ARHGEF15: variants seen among roughly 807,000 people sequenced by gnomAD.
ARHGEF15 encodes the protein Rho guanine nucleotide exchange factor (GEF) 15.
In ARHGEF15, 58 loss-of-function variants were observed where a neutral mutation model predicts 79.7. The observed-to-expected ratio is 0.73, with a 90% CI of 0.59 to 0.91. ARHGEF15 has a LOEUF of 0.91. ARHGEF15 is among the 40% of genes least tolerant of loss of function. The pLI, the probability that ARHGEF15 is intolerant of heterozygous loss-of-function variation, is 0.00. For missense variants in ARHGEF15, 1,012 were observed against 1,108.1 expected, an observed-to-expected ratio of 0.91 and a Z score of 1.23; for synonymous variants, 442 against 456.0, an observed-to-expected ratio of 0.97 and a Z score of 0.39.
intron 4 of ARHGEF15, 175 bp from the exon 5 acceptor site, chr17:8,314,731 C>T (rs990105643): frequency 4.5e-6 from 3 of 661,758 alleles, no homozygotes; most frequent in African/African-American, 2.3e-5. Context: ...CGAGACCTTG[C>T]CTTTCCCCTT....
Position 8,315,794 on chromosome 17 carries a change from C to A in ARHGEF15, c.1461C>A (p.Pro487=). The change falls in exon 8 of 16, where the codon CCC becomes CCA. Residue 487 remains proline (P), a synonymous_variant. Coordinates refer to ENST00000361926, the MANE Select transcript of ARHGEF15 (RefSeq NM_173728.4). This position sits in a 1 kb window ranked among gnomAD's most constrained non-coding sequence, Gnocchi z 4.3. The part of the protein sequence containing the change: ...ATLLSRVRSS[P]HISDLCDVVH... Reference sequence around the variant, plus strand: ...TCCTGTCCCGTGTGCGCTCTTCCCCCCACATCAGCGACTTGTGTGATGTGG... The same window carrying A: ...TCCTGTCCCGTGTGCGCTCTTCCCCACACATCAGCGACTTGTGTGATGTGG... 6.2e-7 allele frequency: 1 copy of A among 1,613,424 alleles called. No homozygotes were observed.
chr17:8,314,843 A>T (rs938611340), intron 4 of ARHGEF15, 63 bp from the exon 5 acceptor site: 1 of 1,600,030 alleles, frequency 6.2e-7, no homozygotes, highest in Non-Finnish European at 8.5e-7. Flanking sequence ...CATGAGAACA[A>T]GCACCCCTAC....
At chr17:8,314,501 G>A (rs901603520) in intron 4 of ARHGEF15, among the ~76,000 whole-genome samples, 1 of 152,020 alleles carries the variant, frequency 6.6e-6, no homozygotes, top group African/African-American at 2.4e-5. Flanking sequence ...TGGTTGCTAC[G>A]TGAGACGGCT....
At position 8,320,905 on chromosome 17, in the gene ARHGEF15, A is replaced by C. The variant is rs888001312; in HGVS notation, c.2438A>C (p.His813Pro). The C allele has an allele frequency of 2.5e-6, 4 of 1,613,826 alleles. No individual in the cohort carries two copies. Among genetic ancestry groups the C allele is most frequent in the Admixed American group, 1.7e-5 (1 of 59,998 alleles). Residue 813 changes from histidine to proline, a missense_variant, in exon 16 of 16, where the codon CAC becomes CCC. Coordinates refer to ENST00000361926, the MANE Select transcript of ARHGEF15 (RefSeq NM_173728.4). ...CTGGTGTGTGAAGTCACAGGGGAAC[A>C]CGAAAGGAGGAGGCACCTTCGCCAG... ...AQLVCEVTGEHERRRHLRQNQ... is the reference protein window; with the variant it reads ...AQLVCEVTGEPERRRHLRQNQ...
At chr17:8,314,031 CA>C (rs60347148) in intron 4 of ARHGEF15, 220 of 141,952 alleles carry the variant, frequency 1.5e-3, no homozygotes, top group Admixed American at 1.7e-3. Flanking sequence ...AACTCCATCT[CA>C]AAAAAAAAAA....
chr17:8,313,297 A>G, intron 3 of ARHGEF15, 43 bp downstream of exon 3: 2 of 1,580,624 alleles, frequency 1.3e-6, no homozygotes, highest in Non-Finnish European at 1.7e-6. Context: ...GTGAGGGGAC[A>G]GGAGAGAGGC....
chr17:8,311,582 G>A (rs752423106), intron 1 of ARHGEF15, among the ~76,000 whole-genome samples: 1 of 151,652 alleles, frequency 6.6e-6, no homozygotes. Flanking sequence ...GCGGACAGGC[G>A]CGCCCACGGC....
chr17:8,318,608 G>A lies in ARHGEF15; in HGVS notation c.1818G>A (p.Lys606=), dbSNP rs1204838822. The A allele has an allele frequency of 6.2e-7, 1 of 1,613,848 alleles. No individual in the cohort carries two copies. Among genetic ancestry groups the A allele is most frequent in the Admixed American group, 1.7e-5 (1 of 60,004 alleles). The change falls in exon 11 of 16, where the codon AAG becomes AAA. Residue 606 remains lysine (K), a synonymous_variant. Coordinates refer to ENST00000361926, the MANE Select transcript of ARHGEF15 (RefSeq NM_173728.4). The surrounding 1 kb of genome is among the most constrained non-coding windows in gnomAD (Gnocchi z 5.0). ...GCAGCGCTGAGGTGGGGCGCATGAA[G>A]CAGACTGAAGAGCTGATCCGGCTCA... ...ERCSAEVGRM[K]QTEELIRLTQ... is the part of the protein sequence containing the mutation.
intron 4 of ARHGEF15, 142 bp from the exon 5 acceptor site, chr17:8,314,763 AG>A: frequency 3.8e-5 from 26 of 690,094 alleles, no homozygotes; most frequent in South Asian, 2.2e-4. Flanking sequence ...AAAAAAAAAA[AG>A]CCTGAGGTTT....
At chr17:8,314,879 G>C in intron 4 of ARHGEF15, 27 bp from the exon 5 acceptor site, 3 of 1,612,924 alleles carry the variant, frequency 1.9e-6, no homozygotes, top group Non-Finnish European at 2.5e-6. Context: ...TGGCCCTGGG[G>C]ACTTCCTTCC....
In ARHGEF15 at chr17:8,312,702, T is replaced by G. The variant is rs541684718; in HGVS notation, c.601+62T>G. ...ATCCACCCATCTTCTCCGTTTTCAG[T>G]GCTAACAACTTTCAGGGGCTACCTT... On this transcript the variant is annotated intron_variant, in intron 2 of 15. Transcript: ENST00000361926. 2.5e-6 allele frequency: 4 copies of G among 1,608,462 alleles called. No individual in the cohort carries two copies. The South Asian group carries it at 3.3e-5, about 13-fold the overall frequency.
chr17:8,314,290 G>GTTAT (rs1421508445), intron 4 of ARHGEF15, among the ~76,000 whole-genome samples: 1 of 152,174 alleles, frequency 6.6e-6, no homozygotes, highest in African/African-American at 2.4e-5. Context: ...ATTCACCATT[G>GTTAT]TTATCAGAAG....
At position 8,318,694 on chromosome 17, in the gene ARHGEF15, C is replaced by G; in HGVS notation, c.1872+32C>G. On this transcript the variant is annotated intron_variant, in intron 11 of 15. Transcript: ENST00000361926. This position sits in a 1 kb window ranked among gnomAD's most constrained non-coding sequence, Gnocchi z 5.0. ...CGCTGCCCAGGCTCCCCATCTTGCCCTGCCCCATGTTGCTGCTGCCACGCT... is the reference window on the plus strand; with the variant it reads ...CGCTGCCCAGGCTCCCCATCTTGCCGTGCCCCATGTTGCTGCTGCCACGCT... 1 of 1,610,240 alleles carries G rather than the reference C, an allele frequency of 6.2e-7. No homozygotes were observed. The highest frequency in any genetic ancestry group is 8.5e-7 in the Non-Finnish European group (1 of 1,177,566).
In ARHGEF15 at chr17:8,313,199, C is replaced by T. The variant is rs764749566; in HGVS notation, c.879C>T (p.Phe293=). ...PTRVRQDATI[F]GDPPQPDLDL... is the part of the protein sequence containing the mutation. ...GTGTCAGGCAGGATGCCACCATTTT[C>T]GGGGACCCCCCACAGCCAGATCTTG... The change falls in exon 3 of 16, where the codon TTC becomes TTT. Residue 293 remains phenylalanine, a synonymous_variant. Coordinates refer to ENST00000361926, the MANE Select transcript of ARHGEF15 (RefSeq NM_173728.4). 49 of 1,608,162 alleles carry T rather than the reference C, an allele frequency of 3.0e-5. No homozygotes were observed. The highest frequency in any genetic ancestry group is 3.3e-4 in the Middle Eastern group (2 of 6,084).
In ARHGEF15 at chr17:8,315,577, C is replaced by T. The variant is rs1343482355; in HGVS notation, c.1421+3C>T. ...CGAGTCCAGGGAGTCAGCGAGCGGT[C>T]AGTGGCTTTCCGTCCTTCCAGGGAA... On this transcript the variant is annotated splice_donor_region_variant and intron_variant, in intron 7 of 15. Coordinates refer to ENST00000361926, the MANE Select transcript of ARHGEF15 (RefSeq NM_173728.4). The surrounding 1 kb of genome is among the most constrained non-coding windows in gnomAD (Gnocchi z 4.3). The T allele has an allele frequency of 1.2e-6, 2 of 1,607,128 alleles. No homozygotes were observed. Among genetic ancestry groups the T allele is most frequent in the Non-Finnish European group, 1.7e-6 (2 of 1,179,968 alleles).
At chr17:8,311,277 TC>T (rs1451348802) in intron 1 of ARHGEF15, among the ~76,000 whole-genome samples, 4 of 151,922 alleles carry the variant, frequency 2.6e-5, no homozygotes, top group Admixed American at 2.6e-4. Flanking sequence ...GTCCTGTCCT[TC>T]GGTTCATTCT....
At chr17:8,316,865 C>G (rs891507514) in intron 9 of ARHGEF15, among the ~76,000 whole-genome samples, 4 of 152,224 alleles carry the variant, frequency 2.6e-5, no homozygotes, top group Non-Finnish European at 5.9e-5. Context: ...TCACTGCAAC[C>G]TCTGCCTCCC....
At chr17:8,313,880 A>C in intron 4 of ARHGEF15, 3 of 221,282 alleles carry the variant, frequency 1.4e-5, no homozygotes, top group African/African-American at 2.3e-5. Context: ...AAATACAAAA[A>C]TTAGCCGGGC....
chr17:8,315,337 C>CATAG lies in ARHGEF15; in HGVS notation c.1260+61_1260+64dup. The CATAG allele has an allele frequency of 6.2e-7, 1 of 1,611,078 alleles. No homozygotes were observed. Among genetic ancestry groups the CATAG allele is most frequent in the Non-Finnish European group, 8.5e-7 (1 of 1,178,426 alleles). On this transcript the variant is annotated intron_variant, in intron 6 of 15. Coordinates refer to ENST00000361926, the MANE Select transcript of ARHGEF15 (RefSeq NM_173728.4). This position sits in a 1 kb window ranked among gnomAD's most constrained non-coding sequence, Gnocchi z 4.3. ...CTGGGGTTGGGCTGCATGGGTCAGG[C>CATAG]ATAGGGGAGGAGGGCCCAGGGTCCT...
Sources: allele counts gnomAD v4.1 joint callset (sites outside exome capture counted in the v4.1 genomes callset), GRCh38; gene constraint gnomAD v4.1.1; non-coding constraint Gnocchi (gnomAD v3.1); transcripts MANE v1.5; gene names NCBI Gene and HGNC (gene_info 2026-07-23, HGNC 2026-07-21).